The following RBM39 variants were observed in gnomAD, a reference collection of about 807,000 sequenced individuals.
RBM39 encodes RNA binding motif protein 39, also known as RNA-binding protein 39.
A neutral mutation model predicts 79.6 loss-of-function variants in RBM39; 12 were observed. The ratio of observed to expected loss-of-function variants is 0.15; its 90% CI spans 0.10 to 0.24. The LOEUF is 0.24. Ranked by LOEUF, RBM39 falls within the 10% of genes least tolerant of loss-of-function variation. The probability of loss-of-function intolerance (pLI) is 1.00; values close to 1 mark genes in which losing one functional copy is unlikely to be tolerated. For synonymous variants in RBM39, 185 were observed against 208.4 expected, an observed-to-expected ratio of 0.89 and a Z score of 0.97; for missense variants, 243 against 653.4, an observed-to-expected ratio of 0.37 and a Z score of 6.85.
chr20:35,704,469 CTA>C lies in RBM39; in HGVS notation c.*10_*11del, dbSNP rs747536603. 6.4e-7 allele frequency: 1 copy of C among 1,564,420 alleles called. No individual in the cohort carries two copies. Among genetic ancestry groups the C allele is most frequent in the African/African-American group, 1.4e-5 (1 of 73,584 alleles). On this transcript the variant is annotated 3_prime_UTR_variant, in exon 17 of 17. Transcript: ENST00000253363. ...GAAAAAAAGCTATATACATAAGGGA[CTA>C]TATCTTCCTTCATCGTCTACTTGGA...
At position 35,702,610 on chromosome 20, in the gene RBM39, C is replaced by T. The variant is rs1212803035; in HGVS notation, c.*1871G>A. On this transcript the variant is annotated 3_prime_UTR_variant, in exon 17 of 17. Transcript: ENST00000253363. ...GCACACTGACAGAGTGTCTCTGCCC[C>T]AAAGAACTCTGCAGTCTGGTATTGA... 6.6e-6 allele frequency: 1 copy of T among 152,198 alleles called. No homozygotes were observed. The highest frequency in any genetic ancestry group is 2.4e-5 in the African/African-American group (1 of 41,436). 9.4% of individuals were successfully genotyped at this position (152,198 alleles called of 1,614,324 possible).
chr20:35,707,940 C>T (rs1340607632), intron 13 of RBM39: 1 of 463,336 alleles, frequency 2.2e-6, no homozygotes, highest in Non-Finnish European at 4.5e-6. Context: ...CAGAACTCAC[C>T]GTAATCATAT....
chr20:35,727,010 A>G (rs1354005555), intron 6 of RBM39, among the ~76,000 whole-genome samples: 2 of 151,976 alleles, frequency 1.3e-5, no homozygotes, highest in African/African-American at 4.8e-5. Flanking sequence ...CTTTATTAGT[A>G]GAGATGGGGT....
chr20:35,705,365 TGAAA>T, intron 14 of RBM39, 35 bp from the exon 15 acceptor site: 3 of 1,108,776 alleles, frequency 2.7e-6, no homozygotes, highest in Non-Finnish European at 2.7e-6. Flanking sequence ...TAAATACTAT[TGAAA>T]CTAACAAACT....
chr20:35,740,727 G>C, intron 2 of RBM39, 97 bp downstream of exon 2: 1 of 1,366,944 alleles, frequency 7.3e-7, no homozygotes, highest in Non-Finnish European at 1.0e-6. Flanking sequence ...GATAAATCAA[G>C]AGGGCTCCGG....
At position 35,738,954 on chromosome 20, in the gene RBM39, T is replaced by C. The variant is rs777033861; in HGVS notation, c.101+14A>G. On this transcript the variant is annotated intron_variant, in intron 3 of 16. Transcript: ENST00000253363. Reference sequence around the variant, plus strand: ...AGCTCACCACCCTCCCCCAAGCCCCTTCTTAAAACTCACTTTTTGCTACGT... The same window carrying C: ...AGCTCACCACCCTCCCCCAAGCCCCCTCTTAAAACTCACTTTTTGCTACGT... 9 of 1,607,100 alleles carry C rather than the reference T, an allele frequency of 5.6e-6. No homozygotes were observed. In the South Asian group the frequency reaches 8.8e-5, roughly 16 times the overall value.
intron 8 of RBM39, among the ~76,000 whole-genome samples, chr20:35,722,760 C>T (rs775040370): frequency 1.3e-5 from 2 of 151,480 alleles, no homozygotes; most frequent in African/African-American, 2.4e-5. Context: ...AGTGAAACCC[C>T]GTCTCTACTA....
intron 14 of RBM39, among the ~76,000 whole-genome samples, chr20:35,706,753 C>A (rs2146482950): frequency 6.6e-6 from 1 of 152,090 alleles, no homozygotes; most frequent in East Asian, 1.9e-4. Context: ...CCAGGCCGGG[C>A]CCGGTGGCTC....
chr20:35,720,428 A>G (rs1051603768), intron 9 of RBM39, among the ~76,000 whole-genome samples: 1 of 152,092 alleles, frequency 6.6e-6, no homozygotes, highest in Non-Finnish European at 1.5e-5. Context: ...ATTTCTCCAT[A>G]TAGCACATAA....
At chr20:35,715,324 G>A (rs1423337808) in intron 10 of RBM39, among the ~76,000 whole-genome samples, 6 of 151,996 alleles carry the variant, frequency 3.9e-5, no homozygotes, top group Non-Finnish European at 5.9e-5. Context: ...ATAGGCGCCC[G>A]CCACCACGCC....
At chr20:35,725,960 G>A (rs1039160595) in intron 6 of RBM39, among the ~76,000 whole-genome samples, 5 of 151,948 alleles carry the variant, frequency 3.3e-5, no homozygotes, top group South Asian at 2.1e-4. Context: ...CACCGCACCC[G>A]GCCAACCCAA....
At chr20:35,705,107 C>G (rs1418711191) in intron 15 of RBM39, 118 bp downstream of exon 15, 1 of 659,078 alleles carries the variant, frequency 1.5e-6, no homozygotes, top group Non-Finnish European at 2.6e-6. Flanking sequence ...TACTTTCAGG[C>G]ACACACACAC....
At chr20:35,733,185 C>A (rs1454079902) in intron 3 of RBM39, among the ~76,000 whole-genome samples, 1 of 151,698 alleles carries the variant, frequency 6.6e-6, no homozygotes, top group East Asian at 1.9e-4. Flanking sequence ...TGCCGGTAAT[C>A]ACAGCTACTT....
chr20:35,704,844 T>G (rs950071124), intron 15 of RBM39, 98 bp from the exon 16 acceptor site: 1 of 980,540 alleles, frequency 1.0e-6, no homozygotes, highest in African/African-American at 1.6e-5. Flanking sequence ...TAGTGCTCTA[T>G]AACCACAAAC....
At chr20:35,721,904 G>A (rs761822379) in intron 8 of RBM39, 27 bp from the exon 9 acceptor site, 9 of 1,607,862 alleles carry the variant, frequency 5.6e-6, no homozygotes, top group Non-Finnish European at 7.7e-6. Context: ...ACGTCACACA[G>A]AGATAACACA....
At chr20:35,735,443 A>C (rs2039804852) in intron 3 of RBM39, among the ~76,000 whole-genome samples, 2 of 152,228 alleles carry the variant, frequency 1.3e-5, no homozygotes, top group South Asian at 4.1e-4. Context: ...TTATACAATT[A>C]AAAAAATTTA....
chr20:35,735,521 C>T (rs1225409091), intron 3 of RBM39, among the ~76,000 whole-genome samples: 2 of 152,162 alleles, frequency 1.3e-5, no homozygotes, highest in Admixed American at 6.5e-5. Context: ...CTCAATGTGG[C>T]TTTTAAGACA....
At chr20:35,705,507 T>A (rs1303598521) in intron 14 of RBM39, 177 bp from the exon 15 acceptor site, 2 of 505,874 alleles carry the variant, frequency 4.0e-6, no homozygotes, top group Non-Finnish European at 6.8e-6. Context: ...AAAAATAAAT[T>A]TTCAATGAGG....
intron 2 of RBM39, 58 bp from the exon 3 acceptor site, chr20:35,739,075 C>A: frequency 7.2e-7 from 1 of 1,381,434 alleles, no homozygotes; most frequent in South Asian, 1.2e-5. Flanking sequence ...TTCAAGTTGT[C>A]AAAGGGTAAA....
Sources: gnomAD v4.1 joint callset for allele counts (sites outside exome capture counted in the v4.1 genomes callset) on GRCh38, gnomAD v4.1.1 for gene constraint, MANE v1.5 for transcripts, NCBI Gene and HGNC (gene_info 2026-07-23, HGNC 2026-07-21) for gene names.